Variants in PCF11 observed in about 807,000 individuals in gnomAD.
PCF11 encodes the protein PCF11 cleavage and polyadenylation factor subunit.
PCF11 carries 19 observed loss-of-function variants against 166.1 expected under a neutral mutation model. That is an observed-to-expected ratio of 0.11 (90% confidence interval 0.08 to 0.17). PCF11 has a LOEUF of 0.17. Ranked by LOEUF, PCF11 falls within the 10% of genes least tolerant of loss-of-function variation. The pLI is 1.00. For synonymous variants in PCF11, 663 were observed against 644.1 expected (o/e 1.03, Z -0.44); for missense variants, 1,565 against 1,855.5 (o/e 0.84, Z 2.88).
chr11:83,163,137 G>A (rs1364755496), intron 2 of PCF11, among the ~76,000 whole-genome samples: 1 of 152,136 alleles, frequency 6.6e-6, no homozygotes, highest in Non-Finnish European at 1.5e-5. Context: ...TAAAACTAAG[G>A]CTTATCAGTG....
chr11:83,169,539 T>G (rs1385674235), exon 8 of PCF11: 5 of 1,613,852 alleles, frequency 3.1e-6, no homozygotes, highest in Non-Finnish European at 4.2e-6. Flanking sequence ...GGACTCCTGG[T>G]CAGCCAGGCC....
chr11:83,171,622 A>G (rs1860694530), intron 8 of PCF11, among the ~76,000 whole-genome samples, 196 bp from the exon 9 acceptor site: 1 of 152,234 alleles, frequency 6.6e-6, no homozygotes, highest in Non-Finnish European at 1.5e-5. Context: ...CCTCTATGAA[A>G]CAGATAAGGG....
intron 11 of PCF11, among the ~76,000 whole-genome samples, chr11:83,179,680 G>A (rs537552146): frequency 1.3e-5 from 2 of 152,142 alleles, no homozygotes; most frequent in Non-Finnish European, 2.9e-5. Flanking sequence ...GAGGTGGGCA[G>A]ATCACCTGAG....
chr11:83,161,401 C>T, exon 2 of PCF11: 1 of 1,601,472 alleles, frequency 6.2e-7, no homozygotes, highest in Non-Finnish European at 8.5e-7. Context: ...GAGAGTATCT[C>T]ACTGCCTTTA....
intron 2 of PCF11, among the ~76,000 whole-genome samples, chr11:83,162,965 G>C (rs149154970): frequency 6.6e-6 from 1 of 152,076 alleles, no homozygotes; most frequent in Non-Finnish European, 1.5e-5. Context: ...GTAAAGACGG[G>C]GTTTCACCAT....
At chr11:83,169,379 G>C in exon 8 of PCF11, 1 of 1,613,838 alleles carries the variant, frequency 6.2e-7, no homozygotes, top group Non-Finnish European at 8.5e-7. Context: ...TCTGTACCAG[G>C]AGGTGGCCTG....
At chr11:83,171,559 G>T (rs1860692096) in intron 8 of PCF11, among the ~76,000 whole-genome samples, 1 of 152,196 alleles carries the variant, frequency 6.6e-6, no homozygotes, top group Non-Finnish European at 1.5e-5. Flanking sequence ...TGCCTCTCTA[G>T]TAGGTACCTT....
chr11:83,166,224 G>T (rs779748915), exon 5 of PCF11: 2 of 1,613,338 alleles, frequency 1.2e-6, no homozygotes, highest in Non-Finnish European at 1.7e-6. Context: ...ACACAGACTG[G>T]CTGGAAGTAG....
exon 8 of PCF11, chr11:83,169,411 C>A: frequency 6.2e-7 from 1 of 1,613,666 alleles, no homozygotes; most frequent in Non-Finnish European, 8.5e-7. Flanking sequence ...GCCTCTGGGT[C>A]AAGGTGGTCC....
chr11:83,169,884 C>G lies in PCF11; in HGVS notation c.3549C>G (p.Asn1183Lys), dbSNP rs749176047. 5.0e-6 allele frequency: 8 copies of G among 1,613,118 alleles called. No individual in the cohort carries two copies. In the South Asian group the frequency reaches 8.8e-5, roughly 18 times the overall value. Reference sequence around the variant, plus strand: ...ACCAGAGTTTCTCTAATCCACTTAACAGAGCTTCTGGACACTATTTTGATG... The same window carrying G: ...ACCAGAGTTTCTCTAATCCACTTAAGAGAGCTTCTGGACACTATTTTGATG... Residue 1183 changes from asparagine (N) to lysine (K), a missense_variant, in exon 8 of 16, where the codon AAC becomes AAG. By Grantham distance (94) the Asn-to-Lys change is moderately conservative. Transcript: ENST00000298281.
At chr11:83,157,240 G>A (rs561269379) in exon 1 of PCF11, 2 of 594,166 alleles carry the variant, frequency 3.4e-6, no homozygotes, top group East Asian at 2.8e-5. Context: ...GGAAGTGGAC[G>A]GAGATCACCC....
chr11:83,173,719 C>CTTTTTTTTTTTTTTTTT (rs869126679), intron 9 of PCF11, among the ~76,000 whole-genome samples: 9 of 59,064 alleles, frequency 1.5e-4, no homozygotes, highest in Non-Finnish European at 2.7e-4. Flanking sequence ...TTCTTTCTTT[C>CTTTTTTTTTTTTTTTTT]TTTTTTTTTT....
intron 4 of PCF11, 35 bp from the exon 5 acceptor site, chr11:83,165,565 G>C: frequency 6.5e-7 from 1 of 1,534,608 alleles, no homozygotes. Flanking sequence ...TGCATGTTCT[G>C]CAGTGTTAAC....
chr11:83,164,184 A>C (rs752234889), intron 3 of PCF11, 23 bp from the exon 4 acceptor site: 1 of 1,567,974 alleles, frequency 6.4e-7, no homozygotes, highest in Non-Finnish European at 8.6e-7. Flanking sequence ...CGTTTTTCTT[A>C]AACAAATTGT....
Position 83,184,577 on chromosome 11 carries a change from T to C in PCF11, c.4453-102T>C, listed in dbSNP as rs556299745. The C allele has an allele frequency of 2.5e-5, 19 of 754,398 alleles. 1 individual carries two copies. In the African/African-American group the frequency reaches 3.4e-4, roughly 13 times the overall value. 46.7% of individuals were successfully genotyped at this position (754,398 alleles called of 1,614,324 possible). ...GGTGTTTCATTTGCATTTGGTTGTA[T>C]GTGTGTTCTCTTGTTCATACAAGGG... On this transcript the variant is annotated intron_variant, in intron 15 of 15. Transcript: ENST00000298281.
At chr11:83,161,769 C>T (rs1860264290) in intron 2 of PCF11, among the ~76,000 whole-genome samples, 1 of 152,156 alleles carries the variant, frequency 6.6e-6, no homozygotes, top group Non-Finnish European at 1.5e-5. Flanking sequence ...GATCTGAAAT[C>T]GTCAAGAGTA....
intron 2 of PCF11, among the ~76,000 whole-genome samples, chr11:83,162,937 G>A (rs1268924649): frequency 6.6e-6 from 1 of 152,126 alleles, no homozygotes; most frequent in African/African-American, 2.4e-5. Context: ...ATCATGCCTG[G>A]CTAATTTTGT....
intron 13 of PCF11, 86 bp from the exon 14 acceptor site, chr11:83,182,308 TTACTC>T (rs1471202656): frequency 5.8e-6 from 4 of 690,280 alleles, no homozygotes; most frequent in Middle Eastern, 3.9e-4. Flanking sequence ...CATAAATTCT[TTACTC>T]CACTTAACAG....
chr11:83,168,366 C>G, intron 7 of PCF11, 62 bp from the exon 8 acceptor site: 1 of 1,388,170 alleles, frequency 7.2e-7, no homozygotes, highest in South Asian at 1.5e-5. Context: ...GATAAACATT[C>G]ATACGAAAAT....
Sources: gnomAD v4.1 joint callset for allele counts (sites outside exome capture counted in the v4.1 genomes callset) on GRCh38, gnomAD v4.1.1 for gene constraint, MANE v1.5 for transcripts, NCBI Gene and HGNC (gene_info 2026-07-23, HGNC 2026-07-21) for gene names.